The following TAS2R1 variants were observed in gnomAD, a reference collection of about 807,000 sequenced individuals.
TAS2R1 encodes taste 2 receptor member 1.
For synonymous variants in TAS2R1, 141 were observed against 134.2 expected, an observed-to-expected ratio of 1.05 and a Z score of -0.35; for missense variants, 370 against 353.4, an observed-to-expected ratio of 1.05 and a Z score of -0.38.
chr5:9,713,987 T>C (rs1160861257), upstream of TAS2R1: 1 of 152,232 alleles, frequency 6.6e-6, no homozygotes, highest in African/African-American at 2.4e-5. Context: ...TATATAAATG[T>C]AATGGCAGTG....
intron 1 of TAS2R1, among the ~76,000 whole-genome samples, chr5:9,698,831 T>C (rs1486829918): frequency 2.0e-5 from 3 of 152,200 alleles, no homozygotes; most frequent in Non-Finnish European, 4.4e-5. Context: ...GAATATTATC[T>C]TGTAAATGTG....
At chr5:9,771,654 G>T in the TAS2R1 span, among the ~76,000 whole-genome samples, 1 of 151,934 alleles carries the variant, frequency 6.6e-6, no homozygotes, top group Admixed American at 6.6e-5. Flanking sequence ...GCTTTTCTTT[G>T]CTGGGAGACT....
chr5:9,795,712 T>G, the TAS2R1 span, among the ~76,000 whole-genome samples: 1 of 152,218 alleles, frequency 6.6e-6, no homozygotes, highest in Non-Finnish European at 1.5e-5. Context: ...GTTTTCCTTG[T>G]GCTCTCAAGA....
At chr5:9,702,886 G>T (rs1286298879) in intron 1 of TAS2R1, among the ~76,000 whole-genome samples, 1 of 152,062 alleles carries the variant, frequency 6.6e-6, no homozygotes, top group African/African-American at 2.4e-5. Context: ...ACAGAGGTAA[G>T]AGAGTCAGCA....
At chr5:9,891,243 G>C in the TAS2R1 span, among the ~76,000 whole-genome samples, 1 of 152,008 alleles carries the variant, frequency 6.6e-6, no homozygotes, top group Non-Finnish European at 1.5e-5. Flanking sequence ...ATGTAAGCAG[G>C]CAGCCATCTT....
At chr5:9,652,237 C>T (rs1391034763) in intron 2 of TAS2R1, among the ~76,000 whole-genome samples, 1 of 152,210 alleles carries the variant, frequency 6.6e-6, no homozygotes, top group African/African-American at 2.4e-5. Context: ...ACCAAATACG[C>T]TCTTAGTGGG....
upstream of TAS2R1, chr5:9,713,750 G>A (rs1456547846): frequency 6.6e-6 from 1 of 152,178 alleles, no homozygotes; most frequent in African/African-American, 2.4e-5. Context: ...GGAGAGACAA[G>A]GGAGTTAAAA....
the TAS2R1 span, among the ~76,000 whole-genome samples, chr5:9,869,479 T>G: frequency 2.6e-5 from 4 of 152,122 alleles, no homozygotes; most frequent in South Asian, 8.3e-4. Flanking sequence ...ATGATTCAAT[T>G]ACCTCCCACC....
the TAS2R1 span, among the ~76,000 whole-genome samples, chr5:9,798,392 A>G: frequency 1.3e-5 from 2 of 152,224 alleles, no homozygotes; most frequent in Non-Finnish European, 2.9e-5. Context: ...ATGGTTAGTA[A>G]TTACACATCA....
chr5:9,639,421 A>G (rs1057162023), intron 2 of TAS2R1, among the ~76,000 whole-genome samples: 15 of 152,196 alleles, frequency 9.9e-5, no homozygotes, highest in African/African-American at 2.7e-4. Flanking sequence ...ATGTGTGTTC[A>G]AAGGTAGGTT....
chr5:9,897,201 A>G, the TAS2R1 span, among the ~76,000 whole-genome samples: 1 of 152,258 alleles, frequency 6.6e-6, no homozygotes, highest in Non-Finnish European at 1.5e-5. Context: ...CTATAATCCC[A>G]GCACTTTGGG....
the TAS2R1 span, among the ~76,000 whole-genome samples, chr5:9,885,940 A>G: frequency 6.6e-6 from 1 of 152,194 alleles, no homozygotes; most frequent in African/African-American, 2.4e-5. Flanking sequence ...AGCACCATCA[A>G]AGAAATGGTT....
At chr5:9,767,742 T>C in the TAS2R1 span, among the ~76,000 whole-genome samples, 1 of 152,020 alleles carries the variant, frequency 6.6e-6, no homozygotes, top group Non-Finnish European at 1.5e-5. Flanking sequence ...CTGGCCAACA[T>C]GGTGAAACCC....
At chr5:9,648,755 C>T (rs1311637377) in intron 2 of TAS2R1, among the ~76,000 whole-genome samples, 3 of 152,064 alleles carry the variant, frequency 2.0e-5, no homozygotes, top group African/African-American at 7.2e-5. Context: ...CTAGAAATAT[C>T]ATGGCCGACC....
At chr5:9,827,379 T>A in the TAS2R1 span, among the ~76,000 whole-genome samples, 1 of 152,102 alleles carries the variant, frequency 6.6e-6, no homozygotes, top group South Asian at 2.1e-4. Flanking sequence ...TTCCAACACC[T>A]CCTGCTTCCC....
At chr5:9,722,726 C>T in the TAS2R1 span, among the ~76,000 whole-genome samples, 1 of 152,324 alleles carries the variant, frequency 6.6e-6, no homozygotes, top group East Asian at 1.9e-4. Flanking sequence ...CAGCTTACTA[C>T]AGAAAAATAC....
intron 1 of TAS2R1, among the ~76,000 whole-genome samples, chr5:9,660,367 C>A (rs149419667): frequency 6.6e-6 from 1 of 151,700 alleles, no homozygotes; most frequent in Non-Finnish European, 1.5e-5. Flanking sequence ...TGAGCCACCA[C>A]GCCCGGCCTG....
At chr5:9,806,902 G>A in the TAS2R1 span, among the ~76,000 whole-genome samples, 4 of 152,002 alleles carry the variant, frequency 2.6e-5, no homozygotes, top group African/African-American at 4.8e-5. Context: ...AAATAGATGG[G>A]AATTAATTAA....
the TAS2R1 span, among the ~76,000 whole-genome samples, chr5:9,747,975 T>TA: frequency 1.3e-5 from 2 of 151,906 alleles, no homozygotes; most frequent in South Asian, 4.2e-4. Context: ...TGGATAATAA[T>TA]AAAAAACATG....
Sources: gnomAD v4.1 joint callset for allele counts (sites outside exome capture counted in the v4.1 genomes callset) on GRCh38, gnomAD v4.1.1 for gene constraint, MANE v1.5 for transcripts, NCBI Gene and HGNC (gene_info 2026-07-23, HGNC 2026-07-21) for gene names.